The following TBL1XR1 variants were observed in gnomAD, a reference collection of about 807,000 sequenced individuals.
The protein encoded by TBL1XR1 is TBL1X/Y related 1.
In TBL1XR1, 5 loss-of-function variants were observed where a neutral mutation model predicts 66.9. That is an observed-to-expected ratio of 0.07 (90% confidence interval 0.04 to 0.16). The LOEUF is 0.16. Ranked by LOEUF, TBL1XR1 falls within the 10% of genes least tolerant of loss-of-function variation. TBL1XR1 has a pLI of 1.00. For missense variants in TBL1XR1, 238 were observed against 623.2 expected, an observed-to-expected ratio of 0.38 and a Z score of 6.58; for synonymous variants, 210 against 206.0, an observed-to-expected ratio of 1.02 and a Z score of -0.17.
chr3:177,186,489 G>A (rs1735424881), intron 1 of TBL1XR1, among the ~76,000 whole-genome samples: 1 of 152,078 alleles, frequency 6.6e-6, no homozygotes. Flanking sequence ...CTTATACTGT[G>A]AGTTAATGAC....
chr3:177,173,632 T>G (rs562739727), intron 1 of TBL1XR1, among the ~76,000 whole-genome samples: 1 of 152,182 alleles, frequency 6.6e-6, no homozygotes, highest in South Asian at 2.1e-4. Context: ...AGGAGAAAAC[T>G]AAATGCAACA....
At chr3:177,120,831 T>G (rs1726900124) in intron 1 of TBL1XR1, 1 of 152,242 alleles carries the variant, frequency 6.6e-6, no homozygotes, top group East Asian at 1.9e-4. Context: ...CACTATCACA[T>G]AGTGTAGCAT....
intron 1 of TBL1XR1, among the ~76,000 whole-genome samples, 180 bp downstream of exon 1, chr3:177,196,941 T>G (rs958171408): frequency 2.0e-5 from 3 of 150,914 alleles, no homozygotes; most frequent in Non-Finnish European, 3.0e-5. Context: ...GCGCCCCAAG[T>G]GCCCTCCCTG....
intron 4 of TBL1XR1, among the ~76,000 whole-genome samples, chr3:177,052,796 T>C (rs553053999): frequency 2.0e-5 from 3 of 152,280 alleles, no homozygotes; most frequent in African/African-American, 7.2e-5. Flanking sequence ...GAAAAGCTCC[T>C]CACTATAGAT....
chr3:177,112,107 ATTTTTT>A lies in TBL1XR1; in HGVS notation c.-121-13572_-121-13567del, dbSNP rs71170852. ...TATATATATATATATATATATATAT[ATTTTTT>A]TTTTTTTTTTTTGTGAGGGGCTCTG... On this transcript the variant is annotated intron_variant, in intron 1 of 15. Transcript: ENST00000457928. Among the ~76,000 whole-genome samples, 37 of 37,634 alleles carry A rather than the reference ATTTTTT, an allele frequency of 9.8e-4. 1 individual carries two copies. The highest frequency in any genetic ancestry group is 1.8e-3 in the African/African-American group (14 of 7,842). The allele number at this position is 37,634 out of a possible 152,430, so 24.7% of individuals were successfully genotyped here.
chr3:177,156,550 T>C (rs1009738109), intron 1 of TBL1XR1, among the ~76,000 whole-genome samples: 106 of 138,522 alleles, frequency 7.7e-4, no homozygotes, highest in Non-Finnish European at 1.2e-3. Flanking sequence ...CACACACACT[T>C]ATATATATAT....
At position 177,124,165 on chromosome 3, in the gene TBL1XR1, T is replaced by G. The variant is rs1208649793; in HGVS notation, c.-121-25624A>C. 3.4e-5 allele frequency among the ~76,000 whole-genome samples: 5 copies of G among 144,932 alleles called. No individual in the cohort carries two copies. In the East Asian group the frequency reaches 7.9e-4, roughly 23 times the overall value. ...TTAGCTAATCAAAAACTGGAGTATTTCTATCATTTAATCCTGCAAGACAAT... is the reference window on the plus strand; with the variant it reads ...TTAGCTAATCAAAAACTGGAGTATTGCTATCATTTAATCCTGCAAGACAAT... On this transcript the variant is annotated intron_variant, in intron 1 of 15. Transcript: ENST00000457928.
intron 1 of TBL1XR1, among the ~76,000 whole-genome samples, chr3:177,149,629 T>C (rs1730650064): frequency 6.6e-6 from 1 of 152,128 alleles, no homozygotes; most frequent in Non-Finnish European, 1.5e-5. Flanking sequence ...AAACAGGAGT[T>C]GACAAATGAC....
At chr3:177,078,357 A>G (rs1042322097) in intron 2 of TBL1XR1, among the ~76,000 whole-genome samples, 2 of 151,968 alleles carry the variant, frequency 1.3e-5, no homozygotes, top group Non-Finnish European at 2.9e-5. Flanking sequence ...TTTGGGGGGC[A>G]GAGGCGGGAG....
At chr3:177,050,433 A>T in intron 6 of TBL1XR1, 45 bp downstream of exon 6, 1 of 1,602,048 alleles carries the variant, frequency 6.2e-7, no homozygotes, top group South Asian at 1.1e-5. Context: ...AAAATGTTCA[A>T]TAAGATATTT....
Position 177,020,007 on chromosome 3 carries a change from T to C in TBL1XR1, c.*5491A>G, listed in dbSNP as rs1235225231. On this transcript the variant is annotated 3_prime_UTR_variant, in exon 16 of 16. Transcript: ENST00000457928. ...TCTTAAAAAAAAAAAAAAGAAAATA[T>C]GCTCAATGATTCTTTTTAAAAAGTC... 8 of 147,374 alleles carry C rather than the reference T, an allele frequency of 5.4e-5. No individual in the cohort carries two copies. The highest frequency in any genetic ancestry group is 2.0e-4 in the African/African-American group (8 of 40,068). 9.1% of individuals were successfully genotyped at this position (147,374 alleles called of 1,614,324 possible). A position where few individuals can be genotyped will look rare whatever the true frequency, so the allele number is the denominator to read the frequency against.
rs573925515 is a variant in TBL1XR1 at position 177,087,478 on chromosome 3, A to G, written c.-46+10988T>C. ...TTTTTGTTTTAAAAACTCTCCTTAC[A>G]GGTGCTAGTAAATCATAGAAAAAGA... On this transcript the variant is annotated intron_variant, in intron 2 of 15. Coordinates refer to ENST00000457928, the MANE Select transcript of TBL1XR1 (RefSeq NM_024665.7). Among the ~76,000 whole-genome samples, 273 of 152,276 alleles carry G rather than the reference A, an allele frequency of 1.8e-3. 2 individuals carry two copies. Among genetic ancestry groups the G allele is most frequent in the African/African-American group, 6.1e-3 (254 of 41,562 alleles).
intron 1 of TBL1XR1, among the ~76,000 whole-genome samples, chr3:177,143,593 G>A (rs1203227643): frequency 1.3e-5 from 2 of 152,250 alleles, no homozygotes; most frequent in South Asian, 2.1e-4. Flanking sequence ...CTGGCTCAGT[G>A]CCTGTGCAAG....
chr3:177,088,992 A>G (rs1448862650), intron 2 of TBL1XR1, among the ~76,000 whole-genome samples: 1 of 152,162 alleles, frequency 6.6e-6, no homozygotes, highest in Non-Finnish European at 1.5e-5. Flanking sequence ...GGTAATAATC[A>G]TTGACTCCTC....
Position 177,047,384 on chromosome 3 carries a change from G to T in TBL1XR1, c.780C>A (p.Ser260Arg). The change falls in exon 9 of 16, where the codon AGC becomes AGA. Residue 260 changes from serine (S) to arginine (R), a missense_variant. Coordinates refer to ENST00000457928, the MANE Select transcript of TBL1XR1 (RefSeq NM_024665.7). ...RIWTKDGNLA[S>R]TLGQHKGPIF... ...TAGGGCCTTTATGCTGCCCTAAGGT[G>T]CTAGCAAGGTTACCTAAAATGCAAA... 1 of 1,580,392 alleles carries T rather than the reference G, an allele frequency of 6.3e-7. No homozygotes were observed. The highest frequency in any genetic ancestry group is 8.6e-7 in the Non-Finnish European group (1 of 1,161,824).
At chr3:177,168,111 T>C (rs1408189848) in intron 1 of TBL1XR1, among the ~76,000 whole-genome samples, 1 of 152,126 alleles carries the variant, frequency 6.6e-6, no homozygotes, top group Non-Finnish European at 1.5e-5. Flanking sequence ...ATAAACAATA[T>C]ACATTAGGCC....
intron 1 of TBL1XR1, among the ~76,000 whole-genome samples, chr3:177,175,151 T>C (rs1560264193): frequency 6.6e-6 from 1 of 152,210 alleles, no homozygotes; most frequent in Non-Finnish European, 1.5e-5. Flanking sequence ...AAACTTATTT[T>C]AGTATTTAGA....
At chr3:177,053,744 A>T (rs1717422731) in intron 4 of TBL1XR1, 29 bp downstream of exon 4, 1 of 1,597,954 alleles carries the variant, frequency 6.3e-7, no homozygotes, top group Non-Finnish European at 8.6e-7. Context: ...AGATGAAAAA[A>T]ATCAGTATTT....
intron 3 of TBL1XR1, 118 bp downstream of exon 3, chr3:177,064,802 C>T: frequency 1.4e-6 from 1 of 705,490 alleles, no homozygotes; most frequent in Non-Finnish European, 2.3e-6. Flanking sequence ...GCAGTCCAGA[C>T]ATTAAGAAAA....
Sources: allele counts gnomAD v4.1 joint callset (sites outside exome capture counted in the v4.1 genomes callset), GRCh38; gene constraint gnomAD v4.1.1; transcripts MANE v1.5; gene names NCBI Gene and HGNC (gene_info 2026-07-23, HGNC 2026-07-21).